The following PCNX2 variants were observed in gnomAD, a reference collection of about 807,000 sequenced individuals.
PCNX2 encodes pecanex 2.
PCNX2 carries 168 observed loss-of-function variants against 223.8 expected under a neutral mutation model. The observed-to-expected ratio is 0.75, with a 90% CI of 0.66 to 0.85. PCNX2 has a LOEUF of 0.85. Among genes scored for constraint, PCNX2 ranks in the 40% least tolerant of loss-of-function variants. PCNX2 has a pLI of 0.00. For missense variants in PCNX2, 2,507 were observed against 2,675.5 expected (o/e 0.94, Z 1.39); for synonymous variants, 1,006 against 1,052.6 (o/e 0.96, Z 0.86).
At chr1:233,152,694 A>G (rs1470119545) in intron 19 of PCNX2, among the ~76,000 whole-genome samples, 1 of 152,230 alleles carries the variant, frequency 6.6e-6, no homozygotes, top group Non-Finnish European at 1.5e-5. Context: ...TGACATGTAC[A>G]TCCAGATTAT....
At chr1:233,029,976 T>C (rs751876333) in intron 25 of PCNX2, among the ~76,000 whole-genome samples, 62 of 152,320 alleles carry the variant, frequency 4.1e-4, no homozygotes, top group Non-Finnish European at 7.9e-4. Context: ...TGTGGATCGA[T>C]ATTTTTCATC....
intron 25 of PCNX2, among the ~76,000 whole-genome samples, chr1:233,044,905 G>A (rs947224620): frequency 6.6e-6 from 1 of 152,072 alleles, no homozygotes; most frequent in Non-Finnish European, 1.5e-5. Flanking sequence ...CTGACCTCAG[G>A]TGATCCACCC....
chr1:233,134,096 A>T (rs1187222703), intron 21 of PCNX2, among the ~76,000 whole-genome samples: 3 of 152,184 alleles, frequency 2.0e-5, no homozygotes, highest in East Asian at 3.8e-4. Context: ...ACTTACAATT[A>T]AAAAAATTAT....
chr1:233,057,793 G>A (rs1454194307), intron 23 of PCNX2: 6 of 798,484 alleles, frequency 7.5e-6, no homozygotes, highest in African/African-American at 7.5e-5. Context: ...CCAGGAGGCC[G>A]AGGTCGCAGT....
rs577637935 is a variant in PCNX2 at position 233,023,708 on chromosome 1, CAT to C, written c.4605+1436_4605+1437del. Among the ~76,000 whole-genome samples the C allele has an allele frequency of 5.5e-3, 835 of 152,300 alleles. 2 individuals carry two copies. Among genetic ancestry groups the C allele is most frequent in the Non-Finnish European group, 8.1e-3 (552 of 68,018 alleles). ...CCCATTTACATTAGGTTGGACAAAA[CAT>C]GTATAGTTTTGTATGAAATTTGAAT... On this transcript the variant is annotated intron_variant, in intron 26 of 33. Transcript: ENST00000258229.
chr1:233,295,278 C>T lies in PCNX2; in HGVS notation c.153+48G>A, dbSNP rs1200715984. 1 of 1,558,660 alleles carries T rather than the reference C, an allele frequency of 6.4e-7. No individual in the cohort carries two copies. The highest frequency in any genetic ancestry group is 1.4e-5 in the African/African-American group (1 of 73,220). The stretch of plus-strand genomic sequence containing the variant: ...GCACGTCTGTGGTTCCTTTCTCCTT[C>T]TTCCCTCCATACCCACAGCTCCCCG... On this transcript the variant is annotated intron_variant, in intron 1 of 33. Coordinates refer to ENST00000258229, the MANE Select transcript of PCNX2 (RefSeq NM_014801.4). This position sits in a 1 kb window ranked among gnomAD's most constrained non-coding sequence, Gnocchi z 4.1.
the PCNX2 span, among the ~76,000 whole-genome samples, chr1:233,300,964 T>C: frequency 3.5e-4 from 54 of 152,252 alleles, no homozygotes; most frequent in East Asian, 5.8e-4. Flanking sequence ...ACTAACTTTA[T>C]TGTGGATGAA....
At chr1:233,155,972 T>A (rs1156480911) in intron 19 of PCNX2, among the ~76,000 whole-genome samples, 2 of 152,128 alleles carry the variant, frequency 1.3e-5, no homozygotes, top group East Asian at 3.9e-4. Flanking sequence ...TGGGGGGAAA[T>A]ATGGCAATTT....
Position 232,998,367 on chromosome 1 carries a change from G to A in PCNX2, c.5675C>T (p.Pro1892Leu), listed in dbSNP as rs770719549. Reference protein sequence around the residue: ...NIEDVDGGGAPTTGGNNAPSG... With the variant: ...NIEDVDGGGALTTGGNNAPSG... ...CGGGGCATTGTTGCCACCTGTCGTC[G>A]GGGCCCCTCCTCCGTCCACGTCTTC... Residue 1892 changes from proline (P) to leucine (L), a missense_variant, in exon 32 of 34, where the codon CCG becomes CTG. By Grantham distance (98) the Pro-to-Leu change is moderately conservative (BLOSUM62 -3). Around this residue, in one of 3 missense-constraint regions of PCNX2, gnomAD observed 1,372 missense variants for 1,509.4 expected, o/e 0.91. Coordinates refer to ENST00000258229, the MANE Select transcript of PCNX2 (RefSeq NM_014801.4). The A allele has an allele frequency of 1.5e-5, 24 of 1,612,780 alleles. No individual in the cohort carries two copies. The highest frequency in any genetic ancestry group is 6.7e-5 in the East Asian group (3 of 44,836).
intron 21 of PCNX2, among the ~76,000 whole-genome samples, chr1:233,115,784 C>A (rs1305848813): frequency 6.6e-6 from 1 of 151,976 alleles, no homozygotes; most frequent in Non-Finnish European, 1.5e-5. Flanking sequence ...AAAACTATAA[C>A]AACAAAAAAG....
At chr1:233,053,876 A>G (rs1375076481) in intron 25 of PCNX2, among the ~76,000 whole-genome samples, 2 of 152,150 alleles carry the variant, frequency 1.3e-5, no homozygotes, top group Non-Finnish European at 2.9e-5. Flanking sequence ...AAGCTCTAAG[A>G]CCTTAAATGA....
intron 8 of PCNX2, among the ~76,000 whole-genome samples, chr1:233,239,026 T>A (rs917740471): frequency 6.6e-6 from 1 of 152,230 alleles, no homozygotes; most frequent in Non-Finnish European, 1.5e-5. Flanking sequence ...CACTGAGTAA[T>A]GTAACTCTGT....
chr1:233,119,507 C>T (rs1245697017), intron 21 of PCNX2, among the ~76,000 whole-genome samples: 1 of 146,096 alleles, frequency 6.8e-6, no homozygotes, highest in East Asian at 2.0e-4. Flanking sequence ...ATGCTGTGAA[C>T]CCAGGAGGCA....
intron 1 of PCNX2, among the ~76,000 whole-genome samples, chr1:233,292,535 A>G (rs1661834941): frequency 6.6e-6 from 1 of 152,210 alleles, no homozygotes; most frequent in African/African-American, 2.4e-5. Flanking sequence ...TGTTTAAACT[A>G]AAATTGTAAA....
At chr1:233,073,118 T>C (rs1381659612) in intron 23 of PCNX2, among the ~76,000 whole-genome samples, 3 of 152,196 alleles carry the variant, frequency 2.0e-5, no homozygotes, top group Non-Finnish European at 4.4e-5. Context: ...TCAGCTTTGG[T>C]AGTTTGTATG....
the PCNX2 span, among the ~76,000 whole-genome samples, chr1:233,320,653 AC>A: frequency 1.3e-5 from 2 of 152,266 alleles, no homozygotes; most frequent in Admixed American, 1.3e-4. Context: ...GGAATGTGAA[AC>A]CATTGTTAAT....
chr1:233,070,747 C>T (rs1672818058), intron 23 of PCNX2, among the ~76,000 whole-genome samples: 1 of 151,956 alleles, frequency 6.6e-6, no homozygotes, highest in African/African-American at 2.4e-5. Context: ...CTATAAAAAC[C>T]TACAGCTGGC....
chr1:233,079,675 C>T (rs1673267596), intron 23 of PCNX2, among the ~76,000 whole-genome samples: 1 of 152,070 alleles, frequency 6.6e-6, no homozygotes, highest in Non-Finnish European at 1.5e-5. Flanking sequence ...CAGTGGCTCA[C>T]AAAGCTGAAA....
intron 15 of PCNX2, chr1:233,181,128 C>CA (rs1337255654): frequency 6.6e-6 from 1 of 152,016 alleles, no homozygotes; most frequent in Admixed American, 6.6e-5. Context: ...ACTCTCCCCT[C>CA]ACACTAGGAT....
Sources: gnomAD v4.1 joint callset for allele counts (sites outside exome capture counted in the v4.1 genomes callset) on GRCh38, gnomAD v4.1.1 for gene constraint, gnomAD v4.1.1 regional missense constraint, Gnocchi (gnomAD v3.1) non-coding constraint, MANE v1.5 for transcripts, NCBI Gene and HGNC (gene_info 2026-07-23, HGNC 2026-07-21) for gene names.